IRAG1: variants seen among roughly 807,000 people sequenced by gnomAD.
IRAG1 encodes the protein inositol 1,4,5-triphosphate receptor associated 1, also known as IP3R-associated cGMP kinase substrate.
In IRAG1, 62 loss-of-function variants were observed where a neutral mutation model predicts 106.2. The observed-to-expected ratio is 0.58, with a 90% CI of 0.48 to 0.72. The LOEUF is 0.72. Among genes scored for constraint, IRAG1 ranks in the 30% least tolerant of loss-of-function variants. The pLI, the probability that IRAG1 is intolerant of heterozygous loss-of-function variation, is 0.00. For missense variants in IRAG1, 1,064 were observed against 1,140.7 expected (o/e 0.93, Z 0.97); for synonymous variants, 462 against 443.9 (o/e 1.04, Z -0.51).
At chr11:10,679,485 A>G (rs1054309945) in intron 1 of IRAG1, among the ~76,000 whole-genome samples, 53 of 152,198 alleles carry the variant, frequency 3.5e-4, no homozygotes, top group African/African-American at 1.3e-3. Flanking sequence ...CTGAAGTTCA[A>G]TGTGATGCTG....
chr11:10,691,168 G>C (rs971271433), intron 1 of IRAG1, among the ~76,000 whole-genome samples: 2 of 152,160 alleles, frequency 1.3e-5, no homozygotes, highest in African/African-American at 4.8e-5. Context: ...TCAGGCACAT[G>C]TACAAAATCA....
At chr11:10,594,921 CA>C (rs58291618) in intron 15 of IRAG1, among the ~76,000 whole-genome samples, 4 of 151,182 alleles carry the variant, frequency 2.6e-5, no homozygotes, top group South Asian at 2.1e-4. Context: ...TGTGTTTTTT[CA>C]AAAAAAAATT....
At chr11:10,583,202 G>A (rs1473944921) in intron 18 of IRAG1, among the ~76,000 whole-genome samples, 5 of 152,154 alleles carry the variant, frequency 3.3e-5, no homozygotes, top group Admixed American at 2.0e-4. Context: ...GAACATAAAT[G>A]TTATTTAAAG....
At chr11:10,580,671 G>A in intron 19 of IRAG1, 82 bp from the exon 20 acceptor site, 1 of 1,466,336 alleles carries the variant, frequency 6.8e-7, no homozygotes, top group Non-Finnish European at 9.2e-7. Context: ...GAGGGGACTT[G>A]AGCAGCACCT....
intron 15 of IRAG1, among the ~76,000 whole-genome samples, chr11:10,596,004 A>G (rs184886295): frequency 4.1e-4 from 62 of 152,336 alleles, no homozygotes; most frequent in Admixed American, 1.4e-3. Flanking sequence ...AGCCCCACGC[A>G]TGTTCCTGCA....
chr11:10,596,189 T>C (rs558214042), intron 15 of IRAG1, among the ~76,000 whole-genome samples: 1 of 152,364 alleles, frequency 6.6e-6, no homozygotes, highest in East Asian at 1.9e-4. Flanking sequence ...TCAATTTCAA[T>C]CTTCCTTAGG....
chr11:10,682,249 T>G (rs1166645687), intron 1 of IRAG1, among the ~76,000 whole-genome samples: 1 of 152,182 alleles, frequency 6.6e-6, no homozygotes, highest in Non-Finnish European at 1.5e-5. Flanking sequence ...AATAAGCACA[T>G]TATTATTACT....
intron 2 of IRAG1, among the ~76,000 whole-genome samples, chr11:10,636,875 C>A (rs533011720): frequency 6.6e-6 from 1 of 152,300 alleles, no homozygotes; most frequent in Admixed American, 6.5e-5. Flanking sequence ...TAGCAAAAGG[C>A]ATTACTGGGA....
chr11:10,645,628 T>G (rs754805900), intron 2 of IRAG1, among the ~76,000 whole-genome samples: 5 of 152,248 alleles, frequency 3.3e-5, no homozygotes, highest in Non-Finnish European at 7.3e-5. Flanking sequence ...GCACTTGCAG[T>G]GACACATGTG....
chr11:10,615,017 A>G (rs1855281642), intron 10 of IRAG1, among the ~76,000 whole-genome samples: 1 of 152,218 alleles, frequency 6.6e-6, no homozygotes, highest in African/African-American at 2.4e-5. Flanking sequence ...AACAGGAGAA[A>G]ATTTTTGCAA....
intron 13 of IRAG1, 24 bp from the exon 14 acceptor site, chr11:10,603,275 C>T (rs545544131): frequency 1.2e-6 from 2 of 1,611,152 alleles, no homozygotes; most frequent in African/African-American, 1.3e-5. Context: ...GGAGCATCAC[C>T]TGGGGTCCTC....
chr11:10,636,823 C>CA (rs1857178568), intron 2 of IRAG1, among the ~76,000 whole-genome samples: 1 of 152,146 alleles, frequency 6.6e-6, no homozygotes, highest in Non-Finnish European at 1.5e-5. Flanking sequence ...GCTTGCACGA[C>CA]AAAGATGTTA....
rs114596198 is a variant in IRAG1, at chr11:10,629,436, G to A, written c.574+102C>T. 2.7e-3 allele frequency: 3,452 copies of A among 1,266,474 alleles called. 55 individuals are homozygous for A. In the African/African-American group the frequency reaches 0.038, roughly 14 times the overall value. 78.5% of individuals were successfully genotyped at this position (1,266,474 alleles called of 1,614,324 possible). A position where few individuals can be genotyped will look rare whatever the true frequency, so the allele number is the denominator to read the frequency against. ...TGAGGAGAGCAGGTGAGTCCAAGGC[G>A]ACCTCCTCGGAGGTGAGGCGCCCAC... On this transcript the variant is annotated intron_variant, in intron 5 of 20. Transcript: ENST00000423302.
At chr11:10,692,481 G>A (rs1862132361) in intron 1 of IRAG1, among the ~76,000 whole-genome samples, 1 of 152,124 alleles carries the variant, frequency 6.6e-6, no homozygotes, top group Admixed American at 6.5e-5. Context: ...AGTGCAGGGG[G>A]ATGGGCAACT....
intron 10 of IRAG1, among the ~76,000 whole-genome samples, chr11:10,620,490 G>A (rs537518148): frequency 6.6e-6 from 1 of 152,140 alleles, no homozygotes; most frequent in African/African-American, 2.4e-5. Flanking sequence ...TGGGTACACG[G>A]GCAAAGATGT....
At chr11:10,632,140 TTTTCTTTTTC>T in intron 3 of IRAG1, 79 bp from the exon 4 acceptor site, 1 of 888,852 alleles carries the variant, frequency 1.1e-6, no homozygotes, top group Non-Finnish European at 1.8e-6. Context: ...TGTATATTCT[TTTTCTTTTTC>T]TTTCTTTCTT....
rs1858580352 is a variant in IRAG1 at position 10,652,220 on chromosome 11, C to T, written c.68-38G>A. 3.7e-6 allele frequency: 6 copies of T among 1,607,072 alleles called. No homozygotes were observed. In the African/African-American group the frequency reaches 6.7e-5, roughly 18 times the overall value. On this transcript the variant is annotated intron_variant, in intron 1 of 20. Transcript: ENST00000423302. ...CAAAAGGACAAGTCAAATCCATTCC[C>T]ATCCCTGTCCCAAGCTGGGTTCCAT...
Position 10,626,487 on chromosome 11 carries a change from T to A in IRAG1, c.847A>T (p.Lys283Ter). The stretch of plus-strand genomic sequence containing the variant: ...TCCTTTTGTTCTATTGCAATCTCTT[T>A]GGACTTCTCAACTGGAGGAGGACGA... The part of the protein sequence containing the change: ...APRPPPVEKS[K>*]EIAIEQKENF... Residue 283 changes from lysine to a stop codon, truncating the protein, a stop_gained, in exon 9 of 21, where the codon AAA (lysine) becomes TAA (stop). Transcript: ENST00000423302. LOFTEE classifies it high-confidence loss of function. 6.2e-7 allele frequency: 1 copy of A among 1,613,676 alleles called. No individual in the cohort carries two copies. Among genetic ancestry groups the A allele is most frequent in the Non-Finnish European group, 8.5e-7 (1 of 1,179,750 alleles).
intron 11 of IRAG1, among the ~76,000 whole-genome samples, chr11:10,607,832 T>G (rs1254978421): frequency 6.6e-6 from 1 of 152,132 alleles, no homozygotes; most frequent in Admixed American, 6.5e-5. Context: ...GGCCATGAAG[T>G]CAGCGGAGTC....
Sources: gnomAD v4.1 joint callset for allele counts (sites outside exome capture counted in the v4.1 genomes callset) on GRCh38, gnomAD v4.1.1 for gene constraint, MANE v1.5 for transcripts, NCBI Gene and HGNC (gene_info 2026-07-23, HGNC 2026-07-21) for gene names.